Variants in DPH6 observed in about 807,000 individuals in gnomAD.
DPH6 encodes diphthamine biosynthesis 6, also known as diphthine--ammonia ligase.
DPH6 carries 33 observed loss-of-function variants against 38.2 expected under a neutral mutation model. The observed-to-expected ratio is 0.86, with a 90% CI of 0.65 to 1.15. The LOEUF is 1.15. Among genes scored for constraint, DPH6 ranks in the 50% most tolerant of loss-of-function variants. DPH6 has a pLI of 0.00. For synonymous variants in DPH6, 108 were observed against 103.0 expected (o/e 1.05, Z -0.30); for missense variants, 325 against 320.0 (o/e 1.02, Z -0.12).
chr15:35,282,612 T>C (rs2051906466), intron 3 of DPH6: 2 of 393,700 alleles, frequency 5.1e-6, no homozygotes, highest in Non-Finnish European at 1.1e-5. Flanking sequence ...GATGAGCCAA[T>C]CTGGGAGCAG....
chr15:35,545,977 G>T, intron 1 of DPH6, 142 bp downstream of exon 1: 2 of 760,624 alleles, frequency 2.6e-6, no homozygotes, highest in Non-Finnish European at 3.6e-6. Context: ...CGAAGGCTCC[G>T]CCTCTTCCTG....
chr15:35,312,502 C>T (rs1166841122), intron 3 of DPH6, among the ~76,000 whole-genome samples: 1 of 152,042 alleles, frequency 6.6e-6, no homozygotes, highest in Non-Finnish European at 1.5e-5. Flanking sequence ...TAATTGAGTC[C>T]CAGAATTAAG....
At chr15:35,317,590 C>CAAAAAAAAAAAAAAAAAAAAAA (rs79613862) in intron 3 of DPH6, among the ~76,000 whole-genome samples, 1 of 73,764 alleles carries the variant, frequency 1.4e-5, no homozygotes, top group African/African-American at 4.3e-5. Flanking sequence ...TTCTGCTGGA[C>CAAAAAAAAAAAAAAAAAAAAAA]AAAAAAAAAA....
intron 6 of DPH6, chr15:35,400,874 A>T: frequency 1.1e-6 from 1 of 890,542 alleles, no homozygotes; most frequent in Non-Finnish European, 1.9e-6. Context: ...TTTGTCTCAT[A>T]TGCCACTGTG....
the DPH6 span, among the ~76,000 whole-genome samples, chr15:35,208,307 T>A: frequency 3.9e-3 from 589 of 152,330 alleles, 4 homozygotes; most frequent in African/African-American, 0.014. Flanking sequence ...GTATTTTCTC[T>A]ATCAATCGAA....
At chr15:35,422,437 T>G (rs997066541) in intron 5 of DPH6, among the ~76,000 whole-genome samples, 1 of 151,956 alleles carries the variant, frequency 6.6e-6, no homozygotes, top group Non-Finnish European at 1.5e-5. Context: ...TGAGATATAG[T>G]TGAGAATTAA....
rs138258131 is a variant in DPH6 at position 35,298,805 on chromosome 15, G to T, written n.200+74716C>A. ...CGGGTTGGAGATCTCGGTCTGTCTT[G>T]TTCCTCGTACACTGGGGGAGGAATG... On this transcript the variant is annotated intron_variant and non_coding_transcript_variant, in intron 3 of 3. Transcript: ENST00000560386. 219 of 1,148,820 alleles carry T rather than the reference G, an allele frequency of 1.9e-4. No individual in the cohort carries two copies. In the East Asian group the frequency reaches 4.3e-3, roughly 22 times the overall value. 71.2% of individuals were successfully genotyped at this position (1,148,820 alleles called of 1,614,324 possible).
chr15:35,534,151 AC>A (rs2055131606), intron 3 of DPH6, among the ~76,000 whole-genome samples: 1 of 152,016 alleles, frequency 6.6e-6, no homozygotes, highest in Admixed American at 6.6e-5. Context: ...GCCGAGGTGG[AC>A]AGAGCACCTG....
At chr15:35,352,109 G>C (rs2052517747) in intron 3 of DPH6, among the ~76,000 whole-genome samples, 1 of 152,118 alleles carries the variant, frequency 6.6e-6, no homozygotes, top group South Asian at 2.1e-4. Context: ...ATTTATGTAA[G>C]TATTAAATGT....
chr15:35,455,565 A>C lies in DPH6; in HGVS notation c.313-745T>G. 1.3e-5 allele frequency among the ~76,000 whole-genome samples: 2 copies of C among 152,176 alleles called. 1 individual carries two copies. The highest frequency in any genetic ancestry group is 2.9e-5 in the Non-Finnish European group (2 of 68,010). ...AAACAAAACAAGATCAATCAAGTAC[A>C]TGGATGGATTATGGACAACATGGGG... On this transcript the variant is annotated intron_variant, in intron 3 of 8. Transcript: ENST00000256538.
intron 5 of DPH6, among the ~76,000 whole-genome samples, chr15:35,425,204 C>T (rs1047553821): frequency 2.6e-5 from 4 of 151,510 alleles, no homozygotes; most frequent in Non-Finnish European, 5.9e-5. Context: ...GTATGTCTCA[C>T]TTTCCAATCA....
rs28404360 is a variant in DPH6, at chr15:35,382,251, T to C, written c.568-335A>G. 3.6e-3 allele frequency among the ~76,000 whole-genome samples: 543 copies of C among 151,632 alleles called. 2 individuals carry two copies. The highest frequency in any genetic ancestry group is 5.4e-3 in the Non-Finnish European group (367 of 67,890). On this transcript the variant is annotated intron_variant, in intron 6 of 8. Coordinates refer to ENST00000256538, the MANE Select transcript of DPH6 (RefSeq NM_080650.4). Reference sequence around the variant, plus strand: ...GAGATCGAGACCATCCTGGCTAACATGGTGAAACACCGTCTCTACTAAAAA... The same window carrying C: ...GAGATCGAGACCATCCTGGCTAACACGGTGAAACACCGTCTCTACTAAAAA...
chr15:35,381,678 A>T, intron 7 of DPH6, 144 bp downstream of exon 7: 1 of 665,406 alleles, frequency 1.5e-6, no homozygotes, highest in Non-Finnish European at 2.7e-6. Flanking sequence ...AGATAACTTC[A>T]CTGGTATTAA....
In DPH6 at chr15:35,501,100, C is replaced by T. The variant is rs139195522; in HGVS notation, c.312+37174G>A. On this transcript the variant is annotated intron_variant, in intron 3 of 8. Coordinates refer to ENST00000256538, the MANE Select transcript of DPH6 (RefSeq NM_080650.4). Reference sequence around the variant, plus strand: ...ATTTGATTATATATTTTATGAATTTCTCATTTCAGAAGATTGTTCATTTAC... The same window carrying T: ...ATTTGATTATATATTTTATGAATTTTTCATTTCAGAAGATTGTTCATTTAC... 2.6e-5 allele frequency among the ~76,000 whole-genome samples: 4 copies of T among 152,226 alleles called. No homozygotes were observed. In the East Asian group the frequency reaches 7.7e-4, roughly 29 times the overall value.
chr15:35,380,742 A>G lies in DPH6; in HGVS notation c.662+1080T>C, dbSNP rs1202743321. On this transcript the variant is annotated intron_variant, in intron 7 of 8. Transcript: ENST00000256538. ...GGGCAAAATAAATATGTCCTCTCCC[A>G]TAAATAAACTTATGACTTATTTTTT... Among the ~76,000 whole-genome samples, 3 of 152,310 alleles carry G rather than the reference A, an allele frequency of 2.0e-5. No individual in the cohort carries two copies. The East Asian group carries it at 5.8e-4, about 29-fold the overall frequency.
the DPH6 span, among the ~76,000 whole-genome samples, chr15:35,160,559 C>T: frequency 2.0e-5 from 3 of 151,744 alleles, no homozygotes; most frequent in Admixed American, 6.6e-5. Context: ...GTGACAAAAT[C>T]GCTACCTATA....
intron 3 of DPH6, among the ~76,000 whole-genome samples, chr15:35,496,567 A>AAAAAAAAAAAAAAATAT: frequency 6.4e-5 from 2 of 31,014 alleles, no homozygotes; most frequent in African/African-American, 2.7e-4. Flanking sequence ...AAAAAAAAAA[A>AAAAAAAAAAAAAAATAT]ATATATATAT....
intron 3 of DPH6, among the ~76,000 whole-genome samples, chr15:35,476,909 TATA>T (rs2141139429): frequency 6.6e-6 from 1 of 152,020 alleles, no homozygotes; most frequent in East Asian, 1.9e-4. Flanking sequence ...TTTTCATTTT[TATA>T]ATATTTTCTT....
intron 3 of DPH6, chr15:35,299,136 A>G (rs1363833276): frequency 8.0e-6 from 9 of 1,120,852 alleles, no homozygotes; most frequent in Non-Finnish European, 1.2e-5. Context: ...ATCGTTAGGA[A>G]ACATAGGATC....
Sources: allele counts gnomAD v4.1 joint callset (sites outside exome capture counted in the v4.1 genomes callset), GRCh38; gene constraint gnomAD v4.1.1; transcripts MANE v1.5; gene names NCBI Gene and HGNC (gene_info 2026-07-23, HGNC 2026-07-21).